The following FOXN3 variants were observed in gnomAD, a reference collection of about 807,000 sequenced individuals.
FOXN3 encodes the protein forkhead box N3.
In FOXN3, 7 loss-of-function variants were observed where a neutral mutation model predicts 38.4. The ratio of observed to expected loss-of-function variants is 0.18; its 90% CI spans 0.10 to 0.34. The LOEUF (loss-of-function observed/expected upper bound fraction) is 0.34. FOXN3 is among the 10% of genes least tolerant of loss of function. The probability of loss-of-function intolerance (pLI) is 1.00; values close to 1 mark genes in which losing one functional copy is unlikely to be tolerated. For synonymous variants in FOXN3, 230 were observed against 242.2 expected (o/e 0.95, Z 0.47); for missense variants, 456 against 613.4 (o/e 0.74, Z 2.71).
intron 3 of FOXN3, among the ~76,000 whole-genome samples, chr14:89,316,502 C>T (rs1226640212): frequency 6.7e-6 from 1 of 148,876 alleles, no homozygotes; most frequent in Non-Finnish European, 1.5e-5. Context: ...ACTACAGACA[C>T]GTGTCACCAT....
At chr14:89,191,751 C>CAA (rs564577421) in intron 4 of FOXN3, among the ~76,000 whole-genome samples, 12 of 107,146 alleles carry the variant, frequency 1.1e-4, no homozygotes, top group African/African-American at 4.1e-4. Context: ...AACAGGGTCT[C>CAA]AAAAAAAAAA....
chr14:89,390,105 A>C (rs1890897532), intron 2 of FOXN3, among the ~76,000 whole-genome samples: 2 of 151,598 alleles, frequency 1.3e-5, no homozygotes, highest in South Asian at 4.2e-4. Flanking sequence ...ACAAGCCTGT[A>C]GTCCTAGCTA....
rs1402545398 is a variant in FOXN3 at position 89,467,800 on chromosome 14, CTTTGTTTTTTTTTT to C, written c.-14-55324_-14-55311del. 3.3e-3 allele frequency among the ~76,000 whole-genome samples: 189 copies of C among 57,914 alleles called. 1 individual carries two copies. The highest frequency in any genetic ancestry group is 9.4e-3 in the African/African-American group (177 of 18,834). 38.0% of individuals were successfully genotyped at this position (57,914 alleles called of 152,430 possible). On this transcript the variant is annotated intron_variant, in intron 1 of 6. Coordinates refer to the FOXN3 transcript ENST00000345097. ...TCTTCTTCTTCCTTTTCTTTTCTTTCTTTGTTTTTTTTTTTTTTTTTTTTTTTTGGGTAGAGATT... is the reference window on the plus strand; with the variant it reads ...TCTTCTTCTTCCTTTTCTTTTCTTTCTTTTTTTTTTTTTTGGGTAGAGATT...
chr14:89,284,456 A>G (rs1036797867), intron 3 of FOXN3: 2 of 455,818 alleles, frequency 4.4e-6, no homozygotes, highest in African/African-American at 4.0e-5. Context: ...AACAGCTCCA[A>G]TTTCATTTCT....
At chr14:89,201,252 G>T (rs1024682567) in intron 4 of FOXN3, among the ~76,000 whole-genome samples, 2 of 152,194 alleles carry the variant, frequency 1.3e-5, no homozygotes, top group Admixed American at 1.3e-4. Context: ...CCTCTCTGGG[G>T]ATGGCAGTAG....
At chr14:89,418,215 C>G (rs763931805), upstream of FOXN3, among the ~76,000 whole-genome samples, 24 of 152,150 alleles carry the variant, frequency 1.6e-4, no homozygotes, top group Non-Finnish European at 1.0e-4. Flanking sequence ...AGAGGAGAAG[C>G]CCAGGGCACC....
intron 1 of FOXN3, among the ~76,000 whole-genome samples, chr14:89,599,257 T>C (rs1300909694): frequency 6.6e-6 from 1 of 152,232 alleles, no homozygotes; most frequent in Non-Finnish European, 1.5e-5. Context: ...ATTCACCCAT[T>C]GTAAGTACAC....
At position 89,580,844 on chromosome 14, in the gene FOXN3, C is replaced by CTGGG. The variant is rs1226393289; in HGVS notation, c.-15+38180_-15+38183dup. ...ATGTTTTTAGGGACCTATTCCCCTTCTGGGGTCAGAGGGACATCTTGGGGG... is the reference window on the plus strand; with the variant it reads ...ATGTTTTTAGGGACCTATTCCCCTTCTGGGTGGGGTCAGAGGGACATCTTGGGGG... On this transcript the variant is annotated intron_variant, in intron 1 of 6. Coordinates refer to the FOXN3 transcript ENST00000345097. 3.3e-5 allele frequency among the ~76,000 whole-genome samples: 5 copies of CTGGG among 152,288 alleles called. No homozygotes were observed. In the East Asian group the frequency reaches 9.6e-4, roughly 29 times the overall value.
intron 2 of FOXN3, among the ~76,000 whole-genome samples, chr14:89,368,184 G>A (rs1890211553): frequency 6.6e-6 from 1 of 151,594 alleles, no homozygotes; most frequent in South Asian, 2.1e-4. Context: ...TACAAAATTA[G>A]CCAGGCATGG....
At position 89,513,737 on chromosome 14, in the gene FOXN3, G is replaced by A. The variant is rs1011841365; in HGVS notation, c.-14-101247C>T. ...AGCCTCCCGAGTAGCTGGGATTACA[G>A]GCATGCACCACCACATCCGGCTGAT... is the stretch of plus-strand genomic sequence containing the variant. On this transcript the variant is annotated intron_variant, in intron 1 of 6. Coordinates refer to the FOXN3 transcript ENST00000345097. 3.5e-4 allele frequency among the ~76,000 whole-genome samples: 54 copies of A among 152,204 alleles called. 1 individual carries two copies. Among genetic ancestry groups the A allele is most frequent in the African/African-American group, 1.3e-3 (53 of 41,510 alleles).
intron 4 of FOXN3, among the ~76,000 whole-genome samples, chr14:89,184,818 C>T (rs1293597329): frequency 6.6e-6 from 1 of 152,248 alleles, no homozygotes. Context: ...CACCGTCATC[C>T]TTCTGCCATC....
At chr14:89,357,152 AC>A (rs1166278385) in intron 2 of FOXN3, among the ~76,000 whole-genome samples, 1 of 149,446 alleles carries the variant, frequency 6.7e-6, no homozygotes, top group African/African-American at 2.6e-5. Context: ...GGAGTCTGAG[AC>A]CAGCCTGGGC....
At chr14:89,248,637 A>AGGC (rs1885365729) in intron 4 of FOXN3, among the ~76,000 whole-genome samples, 1 of 152,272 alleles carries the variant, frequency 6.6e-6, no homozygotes. Context: ...GAGGCAGTGG[A>AGGC]AAACTGCCTG....
At chr14:89,578,627 A>T (rs1178761288) in intron 1 of FOXN3, among the ~76,000 whole-genome samples, 1 of 152,020 alleles carries the variant, frequency 6.6e-6, no homozygotes, top group Non-Finnish European at 1.5e-5. Flanking sequence ...ACCTTCCAAA[A>T]TTCTAAAATA....
chr14:89,443,891 C>A (rs1418207269), intron 1 of FOXN3, among the ~76,000 whole-genome samples: 1 of 151,636 alleles, frequency 6.6e-6, no homozygotes, highest in Non-Finnish European at 1.5e-5. Flanking sequence ...TGCCTGTAAT[C>A]CCAGCTACTC....
upstream of FOXN3, among the ~76,000 whole-genome samples, chr14:89,420,300 G>GC (rs1303315449): frequency 1.3e-5 from 2 of 152,170 alleles, no homozygotes; most frequent in East Asian, 1.9e-4. Context: ...TACGCGCATG[G>GC]CCCCCCACCA....
chr14:89,588,080 G>GT (rs1351841196), intron 1 of FOXN3, among the ~76,000 whole-genome samples: 2 of 152,034 alleles, frequency 1.3e-5, no homozygotes, highest in East Asian at 1.9e-4. Context: ...CTCATGAAAG[G>GT]TTTAGCACCA....
At chr14:89,498,140 A>C (rs1476471897) in intron 1 of FOXN3, among the ~76,000 whole-genome samples, 1 of 145,936 alleles carries the variant, frequency 6.9e-6, no homozygotes, top group Non-Finnish European at 1.5e-5. Context: ...CTGGATATTT[A>C]TCCCTTATCA....
At chr14:89,486,368 C>T (rs1161104120) in intron 1 of FOXN3, among the ~76,000 whole-genome samples, 1 of 152,044 alleles carries the variant, frequency 6.6e-6, no homozygotes, top group Non-Finnish European at 1.5e-5. Flanking sequence ...CATCTTAATG[C>T]CTAAATTGGA....
Sources: gnomAD v4.1 joint callset for allele counts (sites outside exome capture counted in the v4.1 genomes callset) on GRCh38, gnomAD v4.1.1 for gene constraint, MANE v1.5 for transcripts, NCBI Gene and HGNC (gene_info 2026-07-23, HGNC 2026-07-21) for gene names.